The following EBF4 variants were observed in gnomAD, a reference collection of about 807,000 sequenced individuals.
EBF4 encodes EBF transcription factor 4.
In EBF4, 34 loss-of-function variants were observed where a neutral mutation model predicts 67.1. The observed-to-expected ratio is 0.51, with a 90% CI of 0.39 to 0.67. The LOEUF is 0.67. Among genes scored for constraint, EBF4 ranks in the 30% least tolerant of loss-of-function variants. EBF4 has a pLI of 0.00. For missense variants in EBF4, 837 were observed against 873.3 expected (o/e 0.96, Z 0.52); for synonymous variants, 387 against 377.7 (o/e 1.02, Z -0.29).
exon 6 of EBF4, chr20:2,709,594 G>T (rs765042145): frequency 1.9e-6 from 3 of 1,557,986 alleles, no homozygotes; most frequent in South Asian, 2.4e-5. Context: ...GACCGGAAGA[G>T]CTGTGGCAAC....
intron 6 of EBF4, among the ~76,000 whole-genome samples, chr20:2,726,945 C>G (rs76834539): frequency 0.014 from 2,171 of 152,232 alleles, 63 homozygotes; most frequent in African/African-American, 0.048. Context: ...CCCTCTCCCC[C>G]CAGCCCGTAG....
At chr20:2,699,750 G>A (rs1438684386) in intron 1 of EBF4, among the ~76,000 whole-genome samples, 1 of 152,232 alleles carries the variant, frequency 6.6e-6, no homozygotes, top group African/African-American at 2.4e-5. Context: ...TGAATAAGCT[G>A]TTTCTGAATT....
chr20:2,702,680 A>T (rs548103388), intron 1 of EBF4, among the ~76,000 whole-genome samples: 1 of 152,330 alleles, frequency 6.6e-6, no homozygotes, highest in African/African-American at 2.4e-5. Flanking sequence ...TAAAAGAATA[A>T]ATTGATTTAA....
At chr20:2,697,821 T>C (rs1035768044) in intron 1 of EBF4, among the ~76,000 whole-genome samples, 1 of 152,136 alleles carries the variant, frequency 6.6e-6, no homozygotes, top group Non-Finnish European at 1.5e-5. Context: ...CAGAAGTAGC[T>C]CTCTTCTCCT....
chr20:2,759,559 T>C (rs1402933500), downstream of EBF4: 1 of 158,324 alleles, frequency 6.3e-6, no homozygotes, highest in Admixed American at 6.0e-5. Context: ...GTCTGGGTCT[T>C]GGTTCCTCTG....
chr20:2,736,229 G>A (rs1441458276), intron 6 of EBF4, among the ~76,000 whole-genome samples: 1 of 152,068 alleles, frequency 6.6e-6, no homozygotes, highest in Non-Finnish European at 1.5e-5. Context: ...TGGCTCCTAG[G>A]GATAGATAGA....
At chr20:2,750,066 C>CG in intron 10 of EBF4, 93 bp downstream of exon 10, 2 of 1,457,268 alleles carry the variant, frequency 1.4e-6, no homozygotes, top group Non-Finnish European at 1.8e-6. Context: ...AGGAGTTAGC[C>CG]GAGCTCTACG....
chr20:2,717,268 C>G (rs2087622217), intron 6 of EBF4, among the ~76,000 whole-genome samples: 1 of 152,020 alleles, frequency 6.6e-6, no homozygotes, highest in Non-Finnish European at 1.5e-5. Context: ...AGGTTCTAGG[C>G]TTTAGGAATA....
At chr20:2,711,255 C>G (rs1006817549) in intron 6 of EBF4, among the ~76,000 whole-genome samples, 2 of 152,018 alleles carry the variant, frequency 1.3e-5, no homozygotes, top group Admixed American at 1.3e-4. Context: ...AAATTTAGAT[C>G]TGGGAGTTTA....
chr20:2,753,236 G>A (rs1425835680), intron 14 of EBF4, among the ~76,000 whole-genome samples: 1 of 152,254 alleles, frequency 6.6e-6, no homozygotes, highest in Non-Finnish European at 1.5e-5. Context: ...TAAAGGGCCA[G>A]TGTGTGATTT....
Position 2,747,321 on chromosome 20 carries a change from A to C in EBF4, c.558-1228A>C, listed in dbSNP as rs113419665. On this transcript the variant is annotated intron_variant, in intron 6 of 16. Transcript: ENST00000609451. This position sits in a 1 kb window ranked among gnomAD's most constrained non-coding sequence, Gnocchi z 4.6. ...CAAAACAAAAAACAAAACAAACAAA[A>C]AAAAAAAAACAGGAAAAAAAAGAGT... 0.02 allele frequency among the ~76,000 whole-genome samples: 2,993 copies of C among 148,840 alleles called. 79 individuals carry two copies. The highest frequency in any genetic ancestry group is 0.07 in the South Asian group (335 of 4,792).
chr20:2,748,543 T>C lies in EBF4; in HGVS notation c.558-6T>C. On this transcript the variant is annotated splice_polypyrimidine_tract_variant and splice_region_variant and intron_variant, in intron 6 of 16. Transcript: ENST00000609451. ...ACCCTTGAGCCCACCGACCACACTG[T>C]TTCAGGTTCTTCCTCAAGTTCTTCC... 6.4e-7 allele frequency: 1 copy of C among 1,551,356 alleles called. No homozygotes were observed. The highest frequency in any genetic ancestry group is 8.7e-7 in the Non-Finnish European group (1 of 1,146,750).
At chr20:2,742,142 T>C (rs17327928) in intron 6 of EBF4, among the ~76,000 whole-genome samples, 4,249 of 152,338 alleles carry the variant, frequency 0.028, 83 homozygotes, top group South Asian at 0.056. Flanking sequence ...GAAGGACTTC[T>C]AGGACTCTTG....
chr20:2,748,729 A>G, intron 7 of EBF4, 99 bp downstream of exon 7: 1 of 1,341,538 alleles, frequency 7.5e-7, no homozygotes. Context: ...ACCCTGGGAA[A>G]GGCCTCCAAG....
intron 6 of EBF4, among the ~76,000 whole-genome samples, chr20:2,719,431 C>T (rs765577168): frequency 3.3e-5 from 5 of 152,152 alleles, no homozygotes; most frequent in South Asian, 2.1e-4. Context: ...CCCACCACCA[C>T]GCCCAGCTAA....
At chr20:2,705,949 G>A in intron 2 of EBF4, 25 bp from the exon 3 acceptor site, 3 of 1,549,484 alleles carry the variant, frequency 1.9e-6, no homozygotes, top group Non-Finnish European at 2.6e-6. Flanking sequence ...GAGCACCCGA[G>A]CATCCTCCCA....
chr20:2,755,591 C>G lies in EBF4; in HGVS notation c.1541-36C>G, dbSNP rs1364821166. On this transcript the variant is annotated intron_variant, in intron 14 of 16. Coordinates refer to ENST00000609451, the Ensembl canonical transcript of EBF4. The surrounding 1 kb of genome is among the most constrained non-coding windows in gnomAD (Gnocchi z 4.7). ...CCCTGTTGTGTCTCCCACCACCTTC[C>G]CTGCTGCGCCTGCCCCTCCCCGCCC... 8.4e-6 allele frequency: 9 copies of G among 1,077,836 alleles called. No homozygotes were observed. Among genetic ancestry groups the G allele is most frequent in the Non-Finnish European group, 9.7e-6 (7 of 720,724 alleles). The allele number at this position is 1,077,836 out of a possible 1,614,324, so 66.8% of individuals were successfully genotyped here. A position where few individuals can be genotyped will look rare whatever the true frequency, so the allele number is the denominator to read the frequency against.
chr20:2,752,256 C>A (rs2235813), exon 13 of EBF4: 1 of 1,267,736 alleles, frequency 7.9e-7, no homozygotes, highest in Non-Finnish European at 9.9e-7. Flanking sequence ...CCCCGGGGCC[C>A]GAGCCGGGTG....
intron 1 of EBF4, among the ~76,000 whole-genome samples, chr20:2,699,844 G>C (rs1250205859): frequency 2.6e-5 from 4 of 152,344 alleles, no homozygotes; most frequent in African/African-American, 9.6e-5. Context: ...CTGCACTCAG[G>C]CCCTTGGGGC....
Sources: gnomAD v4.1 joint callset for allele counts (sites outside exome capture counted in the v4.1 genomes callset) on GRCh38, gnomAD v4.1.1 for gene constraint, Gnocchi (gnomAD v3.1) non-coding constraint, MANE v1.5 for transcripts, NCBI Gene and HGNC (gene_info 2026-07-23, HGNC 2026-07-21) for gene names.